The following BLOC1S5 variants were observed in gnomAD, a reference collection of about 807,000 sequenced individuals.
BLOC1S5 encodes biogenesis of lysosome-related organelles complex 1 subunit 5.
In BLOC1S5, 27 loss-of-function variants were observed where a neutral mutation model predicts 24.3. The observed-to-expected ratio is 1.11, with a 90% CI of 0.82 to 1.53. The LOEUF is 1.53. Among genes scored for constraint, BLOC1S5 ranks in the 40% most tolerant of loss-of-function variants. The pLI, the probability that BLOC1S5 is intolerant of heterozygous loss-of-function variation, is 0.00. For missense variants in BLOC1S5, 239 were observed against 229.4 expected, an observed-to-expected ratio of 1.04 and a Z score of -0.27; for synonymous variants, 84 against 74.5, an observed-to-expected ratio of 1.13 and a Z score of -0.66.
intron 2 of BLOC1S5, among the ~76,000 whole-genome samples, chr6:8,051,169 A>G (rs1213952772): frequency 7.2e-6 from 1 of 139,508 alleles, no homozygotes; most frequent in Non-Finnish European, 1.5e-5. Context: ...GCCTGGTGAC[A>G]GTGAGATTCC....
chr6:8,062,887 G>A (rs1307470274), intron 1 of BLOC1S5, among the ~76,000 whole-genome samples: 1 of 152,102 alleles, frequency 6.6e-6, no homozygotes, highest in Non-Finnish European at 1.5e-5. Context: ...GCACAAATGA[G>A]TAAGGCCATT....
intron 2 of BLOC1S5, among the ~76,000 whole-genome samples, chr6:8,053,281 A>G (rs6942127): frequency 0.044 from 6,661 of 152,298 alleles, 497 homozygotes; most frequent in African/African-American, 0.15. Context: ...GTAAAACGCT[A>G]CCAAGCAGCA....
At chr6:8,032,344 C>G (rs759504119) in intron 3 of BLOC1S5, among the ~76,000 whole-genome samples, 31 of 151,928 alleles carry the variant, frequency 2.0e-4, no homozygotes, top group African/African-American at 6.5e-4. Flanking sequence ...AAATGGCCAA[C>G]AAACATATGA....
intron 3 of BLOC1S5, among the ~76,000 whole-genome samples, chr6:8,030,879 C>A (rs200781800): frequency 3.9e-5 from 3 of 77,768 alleles, no homozygotes; most frequent in African/African-American, 8.4e-5. Flanking sequence ...AAAAAAAAAT[C>A]ACATGATCAT....
intron 4 of BLOC1S5, among the ~76,000 whole-genome samples, chr6:8,024,536 G>C (rs1031962648): frequency 1.1e-4 from 10 of 90,410 alleles, no homozygotes; most frequent in African/African-American, 3.5e-4. Flanking sequence ...AAAAAAAAAA[G>C]AAATGTACTT....
rs1014915328 is a variant in BLOC1S5, at chr6:8,015,258, C to T, written c.*391G>A. On this transcript the variant is annotated 3_prime_UTR_variant, in exon 5 of 5. Transcript: ENST00000397457. ...GAGGCTATGACAGGTAGCTTCTATA[C>T]CTTCCCATTAAGCCACAATAATAAA... 3 of 159,138 alleles carry T rather than the reference C, an allele frequency of 1.9e-5. No individual in the cohort carries two copies. Among genetic ancestry groups the T allele is most frequent in the African/African-American group, 7.2e-5 (3 of 41,560 alleles). The allele number at this position is 159,138 out of a possible 1,614,324, so 9.9% of individuals were successfully genotyped here.
At chr6:8,048,472 T>C (rs986177981) in intron 2 of BLOC1S5, among the ~76,000 whole-genome samples, 4 of 151,692 alleles carry the variant, frequency 2.6e-5, no homozygotes, top group Non-Finnish European at 5.9e-5. Context: ...TTCATACTGA[T>C]AGTCAAACTT....
intron 2 of BLOC1S5, among the ~76,000 whole-genome samples, chr6:8,052,625 G>A (rs577193046): frequency 6.6e-6 from 1 of 152,010 alleles, no homozygotes; most frequent in East Asian, 1.9e-4. Context: ...AGGTGCGGTG[G>A]CTCACGCCTG....
chr6:8,017,831 C>A (rs1160694111), intron 4 of BLOC1S5: 1 of 152,194 alleles, frequency 6.6e-6, no homozygotes. Context: ...TTCTGACACC[C>A]AAACCTACGC....
rs768471396 is a variant in BLOC1S5 at position 8,041,163 on chromosome 6, T to G, written c.301A>C (p.Ser101Arg). ...CATCTCTGGAGAACCTGGCTGAGGC[T>G]GTCCCGCATTGTGTCTCTACATTTG... is the stretch of plus-strand genomic sequence containing the variant. The part of the protein sequence containing the change: ...LPKCRDTMRD[S>R]LSQVLQRLQA... Residue 101 changes from serine to arginine, a missense_variant, in exon 3 of 5, where the codon AGC becomes CGC. Coordinates refer to ENST00000397457, the MANE Select transcript of BLOC1S5 (RefSeq NM_201280.3). 1 of 1,605,324 alleles carries G rather than the reference T, an allele frequency of 6.2e-7. No homozygotes were observed. Among genetic ancestry groups the G allele is most frequent in the Non-Finnish European group, 8.5e-7 (1 of 1,176,706 alleles).
Position 8,052,483 on chromosome 6 carries a change from C to T in BLOC1S5, c.195+10051G>A, listed in dbSNP as rs554476845. ...GAAGAGGTCAAAGTATCAACATTAA[C>T]AGGAGTTTGGAAGAAGTTGATTCCA... On this transcript the variant is annotated intron_variant, in intron 2 of 4. Coordinates refer to ENST00000397457, the MANE Select transcript of BLOC1S5 (RefSeq NM_201280.3). 2.0e-5 allele frequency among the ~76,000 whole-genome samples: 3 copies of T among 152,228 alleles called. No homozygotes were observed. The East Asian group carries it at 5.8e-4, about 29-fold the overall frequency.
chr6:8,049,414 C>T (rs1192481447), intron 2 of BLOC1S5, among the ~76,000 whole-genome samples: 1 of 151,904 alleles, frequency 6.6e-6, no homozygotes, highest in African/African-American at 2.4e-5. Context: ...AACAATTTCT[C>T]TCTGAGTAGC....
At chr6:8,059,281 CAA>C (rs979604527) in intron 2 of BLOC1S5, among the ~76,000 whole-genome samples, 1 of 152,094 alleles carries the variant, frequency 6.6e-6, no homozygotes, top group African/African-American at 2.4e-5. Flanking sequence ...TTAATGAAAA[CAA>C]AAAGAGAGCT....
At chr6:8,037,763 C>T (rs1763534797) in intron 3 of BLOC1S5, among the ~76,000 whole-genome samples, 1 of 152,096 alleles carries the variant, frequency 6.6e-6, no homozygotes, top group African/African-American at 2.4e-5. Flanking sequence ...CAGCATGATA[C>T]CAGCATAAAA....
chr6:8,064,137 C>CT, intron 1 of BLOC1S5, 128 bp downstream of exon 1: 1 of 691,068 alleles, frequency 1.4e-6, no homozygotes, highest in Non-Finnish European at 2.3e-6. Context: ...CCGACCACGA[C>CT]TCCCCCACCC....
intron 3 of BLOC1S5, among the ~76,000 whole-genome samples, chr6:8,039,617 GTAGTAT>G (rs1561863114): frequency 7.0e-6 from 1 of 143,214 alleles, no homozygotes; most frequent in Non-Finnish European, 1.5e-5. Context: ...CTAAGTCAAT[GTAGTAT>G]TAGCTTTAAA....
At chr6:8,042,716 T>C (rs187703898) in intron 2 of BLOC1S5, among the ~76,000 whole-genome samples, 13 of 152,354 alleles carry the variant, frequency 8.5e-5, no homozygotes, top group African/African-American at 2.6e-4. Flanking sequence ...TCTTCTTCCA[T>C]TGTAGATCAG....
chr6:8,056,583 A>G (rs1191333478), intron 2 of BLOC1S5, among the ~76,000 whole-genome samples: 1 of 152,246 alleles, frequency 6.6e-6, no homozygotes, highest in Non-Finnish European at 1.5e-5. Flanking sequence ...CTTATGGCAC[A>G]GACTCATTTA....
rs192022941 is a variant in BLOC1S5, at chr6:8,064,099, G to A, written c.112+166C>T. ...TTGGGCTGGTTGGTTGTGGTGGGACGCATTTGGCGCGGGGAAAAAGGCGGG... is the reference window on the plus strand; with the variant it reads ...TTGGGCTGGTTGGTTGTGGTGGGACACATTTGGCGCGGGGAAAAAGGCGGG... On this transcript the variant is annotated intron_variant, in intron 1 of 4. Transcript: ENST00000397457. Among the ~76,000 whole-genome samples, 5 of 152,326 alleles carry A rather than the reference G, an allele frequency of 3.3e-5. No homozygotes were observed. In the East Asian group the frequency reaches 9.7e-4, roughly 29 times the overall value.
Sources: allele counts gnomAD v4.1 joint callset (sites outside exome capture counted in the v4.1 genomes callset), GRCh38; gene constraint gnomAD v4.1.1; transcripts MANE v1.5; gene names NCBI Gene and HGNC (gene_info 2026-07-23, HGNC 2026-07-21).